The following FGF14 variants were observed in gnomAD, a reference collection of about 807,000 sequenced individuals.
The protein encoded by FGF14 is fibroblast growth factor 14.
FGF14 carries 5 observed loss-of-function variants against 25.5 expected under a neutral mutation model. The observed-to-expected ratio is 0.20, with a 90% CI of 0.10 to 0.41. The LOEUF (loss-of-function observed/expected upper bound fraction) is 0.41, where lower values mean the gene tolerates loss of function less well. Among genes scored for constraint, FGF14 ranks in the 10% least tolerant of loss-of-function variants. The pLI is 1.00. For missense variants in FGF14, 222 were observed against 320.1 expected, an observed-to-expected ratio of 0.69 and a Z score of 2.34; for synonymous variants, 138 against 118.3, an observed-to-expected ratio of 1.17 and a Z score of -1.08.
At chr13:101,921,972 CTTAT>C (rs1270171878) in intron 1 of FGF14, among the ~76,000 whole-genome samples, 1 of 152,102 alleles carries the variant, frequency 6.6e-6, no homozygotes, top group Non-Finnish European at 1.5e-5. Flanking sequence ...ATGTACTTTC[CTTAT>C]TTATTTGGGC....
At chr13:102,178,009 C>T (rs565098) in intron 1 of FGF14, among the ~76,000 whole-genome samples, 4,007 of 152,070 alleles carry the variant, frequency 0.026, 177 homozygotes, top group African/African-American at 0.092. Flanking sequence ...ACCACAGCAC[C>T]GCAGCAACTC....
intron 1 of FGF14, among the ~76,000 whole-genome samples, chr13:102,112,450 C>A (rs555853234): frequency 1.3e-5 from 2 of 152,264 alleles, no homozygotes; most frequent in African/African-American, 4.8e-5. Context: ...ACACCACCCG[C>A]AAGTTTTGTA....
At chr13:102,343,380 G>A (rs745918703) in intron 1 of FGF14, among the ~76,000 whole-genome samples, 28 of 152,160 alleles carry the variant, frequency 1.8e-4, no homozygotes, top group Admixed American at 1.4e-3. Context: ...GCAGTAAGTA[G>A]CCACTGGCTG....
At chr13:102,250,111 A>T (rs1029940560) in intron 1 of FGF14, among the ~76,000 whole-genome samples, 70 of 152,154 alleles carry the variant, frequency 4.6e-4, no homozygotes, top group Non-Finnish European at 3.4e-4. Flanking sequence ...TCAAAGCACC[A>T]TCATGGAAGG....
chr13:101,729,591 A>G (rs2035672598), intron 3 of FGF14, among the ~76,000 whole-genome samples: 1 of 152,174 alleles, frequency 6.6e-6, no homozygotes. Context: ...CAAAAATCAT[A>G]GGGCAATAAG....
At chr13:102,253,445 T>C (rs2052290382) in intron 1 of FGF14, among the ~76,000 whole-genome samples, 3 of 152,210 alleles carry the variant, frequency 2.0e-5, no homozygotes, top group African/African-American at 7.2e-5. Flanking sequence ...TTTTCATATG[T>C]CTTTTGGCTG....
intron 1 of FGF14, among the ~76,000 whole-genome samples, chr13:102,265,657 AC>A: frequency 6.6e-6 from 1 of 152,236 alleles, no homozygotes; most frequent in East Asian, 1.9e-4. Flanking sequence ...GAATTTTTAT[AC>A]CCTTAAGACT....
chr13:101,738,570 C>G (rs2036330009), intron 3 of FGF14, among the ~76,000 whole-genome samples: 2 of 151,884 alleles, frequency 1.3e-5, no homozygotes, highest in South Asian at 4.2e-4. Context: ...AGAGGGAGGC[C>G]AGGAAAGCAA....
At chr13:101,807,081 A>G (rs2041245735) in intron 3 of FGF14, among the ~76,000 whole-genome samples, 1 of 152,154 alleles carries the variant, frequency 6.6e-6, no homozygotes, top group Non-Finnish European at 1.5e-5. Flanking sequence ...ATGGTGCAAG[A>G]AAGAAAACAA....
intron 1 of FGF14, among the ~76,000 whole-genome samples, chr13:102,340,413 G>A (rs1044429418): frequency 6.6e-6 from 1 of 151,152 alleles, no homozygotes; most frequent in Non-Finnish European, 1.5e-5. Flanking sequence ...TTCTTTGCCC[G>A]CACATCCTTG....
intron 1 of FGF14, among the ~76,000 whole-genome samples, chr13:102,269,028 TG>T (rs147315916): frequency 3.7e-4 from 57 of 152,300 alleles, no homozygotes; most frequent in African/African-American, 1.3e-3. Flanking sequence ...TACTAAATGG[TG>T]AAGTAACATT....
intron 1 of FGF14, among the ~76,000 whole-genome samples, chr13:102,026,524 T>C (rs1230021059): frequency 1.3e-5 from 2 of 151,978 alleles, no homozygotes; most frequent in Non-Finnish European, 2.9e-5. Context: ...TTTTTTATAA[T>C]AAGCTTTTAA....
chr13:101,944,201 TTATC>T (rs2035662461), intron 1 of FGF14, among the ~76,000 whole-genome samples: 1 of 152,130 alleles, frequency 6.6e-6, no homozygotes, highest in East Asian at 1.9e-4. Flanking sequence ...CCAGTTTTCT[TTATC>T]TATTAGAAAA....
At chr13:102,326,064 T>C (rs909526929) in intron 1 of FGF14, among the ~76,000 whole-genome samples, 14 of 152,232 alleles carry the variant, frequency 9.2e-5, no homozygotes, top group African/African-American at 3.1e-4. Flanking sequence ...ACTTGTAGAA[T>C]TGAAATGTGA....
At chr13:101,870,241 G>A (rs192666307) in intron 2 of FGF14, among the ~76,000 whole-genome samples, 1 of 151,814 alleles carries the variant, frequency 6.6e-6, no homozygotes, top group East Asian at 1.9e-4. Flanking sequence ...GCCATTTGGC[G>A]ACTCTCAGTA....
chr13:102,313,285 T>C (rs537952547), intron 1 of FGF14, among the ~76,000 whole-genome samples: 135 of 152,240 alleles, frequency 8.9e-4, no homozygotes, highest in African/African-American at 3.2e-3. Context: ...AAAGCAGCCG[T>C]GGAAATAGCT....
intron 1 of FGF14, among the ~76,000 whole-genome samples, chr13:102,050,628 C>T (rs753150921): frequency 4.6e-5 from 7 of 151,988 alleles, no homozygotes; most frequent in Non-Finnish European, 8.8e-5. Context: ...AAGATGTCAC[C>T]AAGATGATGT....
intron 1 of FGF14, among the ~76,000 whole-genome samples, chr13:102,094,369 AG>A (rs1268146847): frequency 2.6e-5 from 4 of 152,344 alleles, no homozygotes; most frequent in Admixed American, 6.5e-5. Context: ...AAAAATATGA[AG>A]ATAACAAGAG....
chr13:101,932,555 AAG>A (rs920719776), intron 1 of FGF14, among the ~76,000 whole-genome samples: 6 of 149,944 alleles, frequency 4.0e-5, no homozygotes, highest in African/African-American at 9.7e-5. Flanking sequence ...AAAAGGAAAA[AAG>A]AAATTACAAA....
Sources: allele counts gnomAD v4.1 joint callset (sites outside exome capture counted in the v4.1 genomes callset), GRCh38; gene constraint gnomAD v4.1.1; transcripts MANE v1.5; gene names NCBI Gene and HGNC (gene_info 2026-07-23, HGNC 2026-07-21).